GRIN3B: variants seen among roughly 807,000 people sequenced by gnomAD.
GRIN3B encodes the protein glutamate ionotropic receptor NMDA type subunit 3B.
GRIN3B carries 77 observed loss-of-function variants against 66.0 expected under a neutral mutation model. That is an observed-to-expected ratio of 1.17 (90% CI 0.97 to 1.41). The LOEUF is 1.41. GRIN3B is among the 40% of genes most tolerant of loss of function. The pLI, the probability that GRIN3B is intolerant of heterozygous loss-of-function variation, is 0.00. For missense variants in GRIN3B, 1,787 were observed against 1,564.5 expected (o/e 1.14, Z -2.40); for synonymous variants, 823 against 749.7 (o/e 1.10, Z -1.60).
rs569546301 is a variant in GRIN3B, at chr19:1,007,024, A to G, written c.2053-604A>G. Among the ~76,000 whole-genome samples, 2 of 152,262 alleles carry G rather than the reference A, an allele frequency of 1.3e-5. No homozygotes were observed. Among genetic ancestry groups the G allele is most frequent in the African/African-American group, 4.8e-5 (2 of 41,548 alleles). On this transcript the variant is annotated intron_variant, in intron 3 of 8. Transcript: ENST00000234389. This position sits in a 1 kb window ranked among gnomAD's most constrained non-coding sequence, Gnocchi z 4.4. Reference sequence around the variant, plus strand: ...GGGGAGAACAGACCACGGGTGGTGCAGGGAGGACCCCGCAGAGGGGCCTGG... The same window carrying G: ...GGGGAGAACAGACCACGGGTGGTGCGGGGAGGACCCCGCAGAGGGGCCTGG...
At position 1,005,276 on chromosome 19, in the gene GRIN3B, T is replaced by C. The variant is rs900050310; in HGVS notation, c.1775T>C (p.Leu592Pro). 4 of 1,613,560 alleles carry C rather than the reference T, an allele frequency of 2.5e-6. No homozygotes were observed. The highest frequency in any genetic ancestry group is 3.4e-6 in the Non-Finnish European group (4 of 1,179,984). ...GCCCTGCACCTCACCGCGCTCTTCC[T>C]CACCGTGTACGAGTGGCGTAGCCCC... ...FAALHLTALFLTVYEWRSPYG... is the reference protein window; with the variant it reads ...FAALHLTALFPTVYEWRSPYG... The change falls in exon 3 of 9, where the codon CTC becomes CCC. Residue 592 changes from leucine to proline, a missense_variant. Transcript: ENST00000234389. This position sits in a 1 kb window ranked among gnomAD's most constrained non-coding sequence, Gnocchi z 5.2.
At position 1,005,669 on chromosome 19, in the gene GRIN3B, T is replaced by G. The variant is rs939415967; in HGVS notation, c.2052+116T>G. On this transcript the variant is annotated intron_variant, in intron 3 of 8. Coordinates refer to ENST00000234389, the MANE Select transcript of GRIN3B (RefSeq NM_138690.3). The surrounding 1 kb of genome is among the most constrained non-coding windows in gnomAD (Gnocchi z 5.2). ...TGGAGGACGTCCACTAGGCCAACTCTGGTCCCAAGAGACATTTATTCAATT... is the reference window on the plus strand; with the variant it reads ...TGGAGGACGTCCACTAGGCCAACTCGGGTCCCAAGAGACATTTATTCAATT... 4 of 750,566 alleles carry G rather than the reference T, an allele frequency of 5.3e-6. No individual in the cohort carries two copies. The highest frequency in any genetic ancestry group is 8.5e-6 in the Non-Finnish European group (4 of 472,156). 46.5% of individuals were successfully genotyped at this position (750,566 alleles called of 1,614,324 possible).
At position 1,003,449 on chromosome 19, in the gene GRIN3B, T is replaced by A; in HGVS notation, c.746T>A (p.Leu249Gln). The A allele has an allele frequency of 6.5e-7, 1 of 1,539,768 alleles. No individual in the cohort carries two copies. The highest frequency in any genetic ancestry group is 8.7e-7 in the Non-Finnish European group (1 of 1,147,818). ...GACATCGCCCGTGCCCGTCGGGTGC[T>A]GGAGGCCGTACCTCCCGGCCCCCAC... ...GCDIARARRV[L>Q]EAVPPGPHWL... The change falls in exon 2 of 9, where the codon CTG becomes CAG. Residue 249 changes from leucine (L) to glutamine (Q), a missense_variant. By Grantham distance (113) the Leu-to-Gln change is moderately radical. Transcript: ENST00000234389.
At position 1,003,306 on chromosome 19, in the gene GRIN3B, G is replaced by A. The variant is rs769646410; in HGVS notation, c.603G>A (p.Leu201=). The change falls in exon 2 of 9, where the codon CTG becomes CTA. Residue 201 remains leucine, a synonymous_variant. Transcript: ENST00000234389. ...WTSRAGRPPQ[L]VLDLSRRDTG... ...GCCGGGCTGGCCGGCCCCCACAGCT[G>A]GTCCTGGACCTAAGCCGGCGGGACA... The A allele has an allele frequency of 5.1e-6, 8 of 1,571,046 alleles. No homozygotes were observed. The highest frequency in any genetic ancestry group is 1.2e-5 in the South Asian group (1 of 85,868).
chr19:1,009,564 G>C lies in GRIN3B; in HGVS notation c.3094G>C (p.Ala1032Pro). ...LLQARAAPAE[A>P]PPHSGRPGSQ... ...TCAGGCCAGAGCGGCCCCCGCGGAG[G>C]CCCCACCACACTCTGGCCGACCGGG... is the stretch of plus-strand genomic sequence containing the variant. The change falls in exon 9 of 9, where the codon GCC (alanine) becomes CCC (proline). Residue 1032 changes from alanine (A) to proline (P), a missense_variant. By Grantham distance (27) the Ala-to-Pro change is conservative (BLOSUM62 -1). Coordinates refer to ENST00000234389, the MANE Select transcript of GRIN3B (RefSeq NM_138690.3). 1.2e-5 allele frequency: 11 copies of C among 890,224 alleles called. No homozygotes were observed. Among genetic ancestry groups the C allele is most frequent in the Middle Eastern group, 3.9e-4 (1 of 2,558 alleles). 55.1% of individuals were successfully genotyped at this position (890,224 alleles called of 1,614,324 possible). A position where few individuals can be genotyped will look rare whatever the true frequency, so the allele number is the denominator to read the frequency against.
At position 1,007,242 on chromosome 19, in the gene GRIN3B, G is replaced by C. The variant is rs1568391991; in HGVS notation, c.2053-386G>C. 1.3e-5 allele frequency among the ~76,000 whole-genome samples: 2 copies of C among 152,058 alleles called. No individual in the cohort carries two copies. The highest frequency in any genetic ancestry group is 4.8e-5 in the African/African-American group (2 of 41,368). On this transcript the variant is annotated intron_variant, in intron 3 of 8. Coordinates refer to ENST00000234389, the MANE Select transcript of GRIN3B (RefSeq NM_138690.3). This position sits in a 1 kb window ranked among gnomAD's most constrained non-coding sequence, Gnocchi z 4.4. Reference sequence around the variant, plus strand: ...TCCGCCTGGGGTGGGAAGAGCGAGTGGGGGCAGATCAGGAGTGGGGTCATG... The same window carrying C: ...TCCGCCTGGGGTGGGAAGAGCGAGTCGGGGCAGATCAGGAGTGGGGTCATG...
In GRIN3B at chr19:1,004,709, C is replaced by G. The variant is rs749551084; in HGVS notation, c.1208C>G (p.Ala403Gly). The change falls in exon 3 of 9, where the codon GCA becomes GGA. Residue 403 changes from alanine (A) to glycine (G), a missense_variant. Physicochemically the swap from Ala to Gly is moderately conservative, Grantham distance 60. Coordinates refer to ENST00000234389, the MANE Select transcript of GRIN3B (RefSeq NM_138690.3). Reference protein sequence around the residue: ...QLDLEPGGASARPPPPQGAQV... With the variant: ...QLDLEPGGASGRPPPPQGAQV... ...GACTTGGAACCGGGAGGTGCCTCTG[C>G]ACGGCCCCCGCCCCCACAGGGTGCC... 15 of 1,604,564 alleles carry G rather than the reference C, an allele frequency of 9.3e-6. No individual in the cohort carries two copies. The highest frequency in any genetic ancestry group is 5.1e-5 in the Admixed American group (3 of 59,374).
Position 1,007,829 on chromosome 19 carries a change from G to C in GRIN3B, c.2199-27G>C. The C allele has an allele frequency of 1.9e-6, 3 of 1,574,096 alleles. No individual in the cohort carries two copies. The highest frequency in any genetic ancestry group is 2.6e-6 in the Non-Finnish European group (3 of 1,158,396). ...GGGGCGTGGGGTGGGCGGGGCGATG[G>C]CTGACCCCCGCCCCCGGCCCCAGCA... On this transcript the variant is annotated intron_variant, in intron 4 of 8. Coordinates refer to ENST00000234389, the MANE Select transcript of GRIN3B (RefSeq NM_138690.3). This position sits in a 1 kb window ranked among gnomAD's most constrained non-coding sequence, Gnocchi z 4.4.
In GRIN3B at chr19:1,008,684, G is replaced by A. The variant is rs2285906; in HGVS notation, c.2533G>A (p.Ala845Thr). Residue 845 changes from alanine (A) to threonine (T), a missense_variant, in exon 7 of 9, where the codon GCT becomes ACT. Transcript: ENST00000234389. ...GTTGCTGTGCCTGGGCCTGGGCAGC[G>A]CTCTGCTCAGCTCGCTGGGCGAGCA... is the stretch of plus-strand genomic sequence containing the variant. ...FVLLCLGLGSALLSSLGEHAF... is the reference protein window; with the variant it reads ...FVLLCLGLGSTLLSSLGEHAF... 233,589 of 1,605,832 alleles carry A rather than the reference G, an allele frequency of 0.15. 17,983 individuals carry two copies. The highest frequency in any genetic ancestry group is 0.22 in the Middle Eastern group (1,303 of 6,042).
At position 1,000,467 on chromosome 19, in the gene GRIN3B, C is replaced by T. The variant is rs372053516; in HGVS notation, c.30C>T (p.Gly10=). Residue 10 remains glycine, a synonymous_variant, in exon 1 of 9, where the codon GGC becomes GGT. Coordinates refer to ENST00000234389, the MANE Select transcript of GRIN3B (RefSeq NM_138690.3). MEFVRALWL[G]LALALGPGSA... ...AGTTTGTGCGGGCGCTGTGGCTGGG[C>T]CTGGCGCTGGCGCTGGGGCCGGGGT... is the stretch of plus-strand genomic sequence containing the variant. 442 of 1,210,806 alleles carry T rather than the reference C, an allele frequency of 3.7e-4. 1 individual carries two copies. In the African/African-American group the frequency reaches 6.1e-3, roughly 17 times the overall value. 75.0% of individuals were successfully genotyped at this position (1,210,806 alleles called of 1,614,324 possible).
chr19:1,000,423 G>C lies in GRIN3B; in HGVS notation c.-15G>C, dbSNP rs759780921. On this transcript the variant is annotated 5_prime_UTR_variant, in exon 1 of 9. Transcript: ENST00000234389. ...GTGGTTGCGCCCCGTGGCGAGCGAC[G>C]CCGACAACTTTGCGATGGAGTTTGT... 8.2e-7 allele frequency: 1 copy of C among 1,212,960 alleles called. No individual in the cohort carries two copies. Among genetic ancestry groups the C allele is most frequent in the Non-Finnish European group, 1.0e-6 (1 of 974,172 alleles). 75.1% of individuals were successfully genotyped at this position (1,212,960 alleles called of 1,614,324 possible).
At chr19:1,008,406 C>A in intron 6 of GRIN3B, 115 bp downstream of exon 6, 1 of 1,099,122 alleles carries the variant, frequency 9.1e-7, no homozygotes, top group Non-Finnish European at 1.3e-6. Flanking sequence ...TTGTCTGCTT[C>A]TGCGCACTTC....
chr19:1,007,838 C>A lies in GRIN3B; in HGVS notation c.2199-18C>A. ...GGTGGGCGGGGCGATGGCTGACCCC[C>A]GCCCCCGGCCCCAGCAGGAGCGACC... On this transcript the variant is annotated intron_variant, in intron 4 of 8. Coordinates refer to ENST00000234389, the MANE Select transcript of GRIN3B (RefSeq NM_138690.3). The surrounding 1 kb of genome is among the most constrained non-coding windows in gnomAD (Gnocchi z 4.4). 1.3e-6 allele frequency: 2 copies of A among 1,580,852 alleles called. No homozygotes were observed. The highest frequency in any genetic ancestry group is 1.7e-6 in the Non-Finnish European group (2 of 1,159,908).
In GRIN3B at chr19:1,007,018, T is replaced by C. The variant is rs1198855401; in HGVS notation, c.2053-610T>C. On this transcript the variant is annotated intron_variant, in intron 3 of 8. Coordinates refer to ENST00000234389, the MANE Select transcript of GRIN3B (RefSeq NM_138690.3). The surrounding 1 kb of genome is among the most constrained non-coding windows in gnomAD (Gnocchi z 4.4). The stretch of plus-strand genomic sequence containing the variant: ...AGCTGTGGGGAGAACAGACCACGGG[T>C]GGTGCAGGGAGGACCCCGCAGAGGG... Among the ~76,000 whole-genome samples the C allele has an allele frequency of 6.6e-6, 1 of 151,974 alleles. No individual in the cohort carries two copies. The highest frequency in any genetic ancestry group is 6.6e-5 in the Admixed American group (1 of 15,248).
chr19:1,001,552 C>G (rs1160581361), intron 1 of GRIN3B, among the ~76,000 whole-genome samples: 1 of 152,004 alleles, frequency 6.6e-6, no homozygotes, highest in Non-Finnish European at 1.5e-5. Flanking sequence ...TGTTGTCCCC[C>G]CCAACAGGGC....
At position 1,000,765 on chromosome 19, in the gene GRIN3B, C is replaced by G. The variant is rs1313945035; in HGVS notation, c.328C>G (p.Arg110Gly). 6.9e-7 allele frequency: 1 copy of G among 1,447,892 alleles called. No individual in the cohort carries two copies. The highest frequency in any genetic ancestry group is 9.0e-7 in the Non-Finnish European group (1 of 1,105,806). The allele number at this position is 1,447,892 out of a possible 1,614,324, so 89.7% of individuals were successfully genotyped here. A position where few individuals can be genotyped will look rare whatever the true frequency, so the allele number is the denominator to read the frequency against. ...GGCCCTGCTCGCCTTTCCCGAGGCT[C>G]GGCCCGAGCTGCTGCAGCTGCACTT... is the stretch of plus-strand genomic sequence containing the variant. Reference protein sequence around the residue: ...VAALLAFPEARPELLQLHFLA... With the variant: ...VAALLAFPEAGPELLQLHFLA... Residue 110 changes from arginine to glycine, a missense_variant, in exon 1 of 9, where the codon CGG becomes GGG. Transcript: ENST00000234389.
rs1599456373 is a variant in GRIN3B, at chr19:1,003,701, C to T, written c.998C>T (p.Ser333Phe). ...GACCTGCAGCCGGCCGGGCCCGAGT[C>T]CCCGGGGCGCTTCTTGGCACGGTGA... ...CGDLQPAGPE[S>F]PGRFLARFLA... Residue 333 changes from serine to phenylalanine, a missense_variant, in exon 2 of 9, where the codon TCC (serine) becomes TTC (phenylalanine). Physicochemically the swap from Ser to Phe is radical, Grantham distance 155. Transcript: ENST00000234389. The T allele has an allele frequency of 1.4e-6, 2 of 1,403,584 alleles. No homozygotes were observed. The highest frequency in any genetic ancestry group is 1.8e-6 in the Non-Finnish European group (2 of 1,085,812). The allele number at this position is 1,403,584 out of a possible 1,614,324, so 86.9% of individuals were successfully genotyped here.
Position 1,007,980 on chromosome 19 carries a change from C to T in GRIN3B, c.2314+9C>T. The T allele has an allele frequency of 6.2e-7, 1 of 1,610,074 alleles. No individual in the cohort carries two copies. The highest frequency in any genetic ancestry group is 8.5e-7 in the Non-Finnish European group (1 of 1,177,908). ...GCCCTTCGCCATTGAGGGTGAGAGG[C>T]ACCTGGGCGAGGCGGGGCGCCGGGG... On this transcript the variant is annotated intron_variant, in intron 5 of 8. Transcript: ENST00000234389. The surrounding 1 kb of genome is among the most constrained non-coding windows in gnomAD (Gnocchi z 4.4).
rs967947887 is a variant in GRIN3B at position 1,009,339 on chromosome 19, C to T, written c.2869C>T (p.Arg957Ter). The change falls in exon 9 of 9, where the codon CGA (arginine) becomes TGA (stop). Residue 957 changes from arginine (R) to a stop codon, truncating the protein, a stop_gained. Transcript: ENST00000234389. LOFTEE classifies it low-confidence loss of function (END_TRUNC). Reference protein sequence around the residue: ...EADAEAEAAPREGPVWLCSYG... With the variant: ...EADAEAEAAP Reference sequence around the variant, plus strand: ...GGACGCGGAGGCGGAGGCTGCGCCGCGAGAGGGCCCCGTCTGGCTGTGCTC... The same window carrying T: ...GGACGCGGAGGCGGAGGCTGCGCCGTGAGAGGGCCCCGTCTGGCTGTGCTC... The T allele has an allele frequency of 1.1e-5, 15 of 1,394,912 alleles. No individual in the cohort carries two copies. The African/African-American group carries it at 2.3e-4, about 21-fold the overall frequency. The allele number at this position is 1,394,912 out of a possible 1,614,324, so 86.4% of individuals were successfully genotyped here.
Sources: allele counts gnomAD v4.1 joint callset (sites outside exome capture counted in the v4.1 genomes callset), GRCh38; gene constraint gnomAD v4.1.1; non-coding constraint Gnocchi (gnomAD v3.1); transcripts MANE v1.5; gene names NCBI Gene and HGNC (gene_info 2026-07-23, HGNC 2026-07-21).